GNB1L: variants seen among roughly 807,000 people sequenced by gnomAD.
GNB1L encodes the protein guanine nucleotide-binding protein subunit beta-like protein 1.
GNB1L carries 20 observed loss-of-function variants against 29.1 expected under a neutral mutation model. The observed-to-expected ratio is 0.69, with a 90% CI of 0.48 to 1.00. The LOEUF is 1.00. GNB1L is among the 50% of genes least tolerant of loss of function. The pLI is 0.00. For synonymous variants in GNB1L, 193 were observed against 206.5 expected (o/e 0.93, Z 0.56); for missense variants, 421 against 464.9 (o/e 0.91, Z 0.87).
At chr22:19,819,261 C>T (rs966308960) in intron 4 of GNB1L, among the ~76,000 whole-genome samples, 3 of 152,250 alleles carry the variant, frequency 2.0e-5, no homozygotes, top group Non-Finnish European at 4.4e-5. Flanking sequence ...GCTGCACCAG[C>T]GTGTGAAGCA....
At chr22:19,790,250 G>A (rs1937238769) in intron 7 of GNB1L, among the ~76,000 whole-genome samples, 1 of 151,930 alleles carries the variant, frequency 6.6e-6, no homozygotes, top group African/African-American at 2.4e-5. Flanking sequence ...GACAATATGG[G>A]GATTACGGCT....
chr22:19,849,426 T>C (rs1938043548), intron 2 of GNB1L: 1 of 471,554 alleles, frequency 2.1e-6, no homozygotes, highest in Non-Finnish European at 2.8e-6. Context: ...TGGAGTGCAA[T>C]GGCGTGATCT....
chr22:19,813,723 G>A (rs886935030), intron 4 of GNB1L, among the ~76,000 whole-genome samples: 18 of 151,900 alleles, frequency 1.2e-4, no homozygotes, highest in Admixed American at 7.2e-4. Flanking sequence ...GACTGGGTGC[G>A]GTGGCTCACA....
At chr22:19,850,809 G>A in intron 2 of GNB1L, 1 of 1,294,178 alleles carries the variant, frequency 7.7e-7, no homozygotes, top group South Asian at 3.0e-5. Flanking sequence ...AGACACCAAG[G>A]GGGGTGTTTT....
At chr22:19,842,899 G>A (rs1450799407) in intron 2 of GNB1L, among the ~76,000 whole-genome samples, 2 of 152,192 alleles carry the variant, frequency 1.3e-5, no homozygotes, top group Admixed American at 1.3e-4. Context: ...CACTCCCACT[G>A]CAGCCAGCTC....
At chr22:19,826,921 A>G (rs1937623847) in intron 2 of GNB1L, among the ~76,000 whole-genome samples, 1 of 152,180 alleles carries the variant, frequency 6.6e-6, no homozygotes, top group African/African-American at 2.4e-5. Context: ...ACTAGCTTGG[A>G]CTCATCAAAA....
chr22:19,836,209 G>A (rs1937762379), intron 2 of GNB1L, among the ~76,000 whole-genome samples: 1 of 151,888 alleles, frequency 6.6e-6, no homozygotes, highest in South Asian at 2.1e-4. Flanking sequence ...ATTAAAGAAG[G>A]GTTATCACTA....
At chr22:19,798,426 C>T (rs539758720) in intron 7 of GNB1L, among the ~76,000 whole-genome samples, 17 of 152,216 alleles carry the variant, frequency 1.1e-4, no homozygotes, top group African/African-American at 3.4e-4. Context: ...ACAGGCCACA[C>T]GCCATGGGCC....
chr22:19,789,019 C>T (rs9617832), intron 7 of GNB1L, 59 bp from the exon 8 acceptor site: 1 of 1,524,972 alleles, frequency 6.6e-7, no homozygotes, highest in Non-Finnish European at 8.9e-7. Flanking sequence ...AGTGCTGCCC[C>T]TGGTGCCCCA....
At chr22:19,792,597 T>C in intron 7 of GNB1L, 1 of 1,597,596 alleles carries the variant, frequency 6.3e-7, no homozygotes. Flanking sequence ...GGCCCACAAG[T>C]ACAGACCAGA....
intron 2 of GNB1L, among the ~76,000 whole-genome samples, chr22:19,841,809 C>T (rs1249030951): frequency 6.6e-6 from 1 of 152,224 alleles, no homozygotes; most frequent in Non-Finnish European, 1.5e-5. Context: ...ACCATCGTTA[C>T]TTCCAGAAGG....
chr22:19,814,235 G>A (rs1301092808), intron 4 of GNB1L, among the ~76,000 whole-genome samples: 2 of 152,062 alleles, frequency 1.3e-5, no homozygotes, highest in African/African-American at 4.8e-5. Context: ...TGAGGGAAAC[G>A]AGAATACCCC....
At chr22:19,848,013 ATTT>A in intron 2 of GNB1L, 4 of 985,198 alleles carry the variant, frequency 4.1e-6, no homozygotes, top group Non-Finnish European at 4.8e-6. Flanking sequence ...AAATTTCCAT[ATTT>A]ATTTGGCCCG....
rs368890325 is a variant in GNB1L, at chr22:19,816,674, A to G, written c.254+3924T>C. On this transcript the variant is annotated intron_variant, in intron 4 of 7. Coordinates refer to ENST00000329517, the MANE Select transcript of GNB1L (RefSeq NM_053004.3). The surrounding 1 kb of genome is among the most constrained non-coding windows in gnomAD (Gnocchi z 4.4). ...TACATACACACCACACAGGCACCTC[A>G]CACATACACAACTTACATACACAAA... Among the ~76,000 whole-genome samples, 50 of 152,150 alleles carry G rather than the reference A, an allele frequency of 3.3e-4. No homozygotes were observed. The South Asian group carries it at 9.6e-3, about 29-fold the overall frequency.
intron 2 of GNB1L, among the ~76,000 whole-genome samples, chr22:19,825,659 A>G (rs900437869): frequency 2.6e-5 from 4 of 151,462 alleles, no homozygotes; most frequent in Non-Finnish European, 4.4e-5. Context: ...TCTTTAAAAA[A>G]TTTTTTTAAA....
At chr22:19,849,005 C>T in intron 2 of GNB1L, 3 of 985,472 alleles carry the variant, frequency 3.0e-6, no homozygotes, top group Non-Finnish European at 3.6e-6. Context: ...CATCAGGGAG[C>T]AGTCTGACCC....
At position 19,788,492 on chromosome 22, in the gene GNB1L, G is replaced by T. The variant is rs534334792; in HGVS notation, c.*217C>A. On this transcript the variant is annotated 3_prime_UTR_variant, in exon 8 of 8. Coordinates refer to ENST00000329517, the MANE Select transcript of GNB1L (RefSeq NM_053004.3). ...CAAGCCAACGTCTCCTGCAGGCCTC[G>T]GACGGCCAGGGCTCTGGCTGGCCCC... is the stretch of plus-strand genomic sequence containing the variant. The T allele has an allele frequency of 1.5e-6, 1 of 666,312 alleles. No homozygotes were observed. 41.3% of individuals were successfully genotyped at this position (666,312 alleles called of 1,614,324 possible).
chr22:19,811,746 A>G (rs1323939547), intron 5 of GNB1L, among the ~76,000 whole-genome samples: 1 of 151,798 alleles, frequency 6.6e-6, no homozygotes, highest in Non-Finnish European at 1.5e-5. Context: ...TGTGATCACC[A>G]CCTTGTGCCT....
chr22:19,814,671 A>C (rs1332103193), intron 4 of GNB1L, among the ~76,000 whole-genome samples: 1 of 151,972 alleles, frequency 6.6e-6, no homozygotes, highest in Non-Finnish European at 1.5e-5. Flanking sequence ...TCTTCCCAAA[A>C]CCCATCACCC....
Sources: allele counts gnomAD v4.1 joint callset (sites outside exome capture counted in the v4.1 genomes callset), GRCh38; gene constraint gnomAD v4.1.1; non-coding constraint Gnocchi (gnomAD v3.1); transcripts MANE v1.5; gene names NCBI Gene and HGNC (gene_info 2026-07-23, HGNC 2026-07-21).